The following BCAS4 variants were observed in gnomAD, a reference collection of about 807,000 sequenced individuals.
BCAS4 encodes breast carcinoma amplified sequence 4.
In BCAS4, 9 loss-of-function variants were observed where a neutral mutation model predicts 15.7. That is an observed-to-expected ratio of 0.57 (90% CI 0.34 to 1.00). The LOEUF (loss-of-function observed/expected upper bound fraction) is 1.00, where lower values mean the gene tolerates loss of function less well. Among genes scored for constraint, BCAS4 ranks in the 50% least tolerant of loss-of-function variants. The pLI, the probability that BCAS4 is intolerant of heterozygous loss-of-function variation, is 0.02. For missense variants in BCAS4, 225 were observed against 239.1 expected (o/e 0.94, Z 0.39); for synonymous variants, 101 against 99.5 (o/e 1.02, Z -0.09).
At chr20:50,801,904 C>T (rs76128571) in intron 1 of BCAS4, among the ~76,000 whole-genome samples, 4,097 of 151,944 alleles carry the variant, frequency 0.027, 190 homozygotes, top group African/African-American at 0.094. Flanking sequence ...GATGAGGGAC[C>T]GGGAGGTGCC....
At chr20:50,866,945 T>C (rs1323196439) in intron 4 of BCAS4, among the ~76,000 whole-genome samples, 1 of 152,150 alleles carries the variant, frequency 6.6e-6, no homozygotes, top group East Asian at 1.9e-4. Context: ...GGCCGGGCAC[T>C]CTGTAAATGC....
intron 2 of BCAS4, among the ~76,000 whole-genome samples, chr20:50,824,902 G>C (rs1182017085): frequency 6.6e-6 from 1 of 152,158 alleles, no homozygotes; most frequent in Non-Finnish European, 1.5e-5. Context: ...CATCTGGTTT[G>C]GTTTTACTTT....
At chr20:50,808,604 A>G (rs1308931471) in intron 1 of BCAS4, among the ~76,000 whole-genome samples, 3 of 152,150 alleles carry the variant, frequency 2.0e-5, no homozygotes, top group Non-Finnish European at 2.9e-5. Context: ...TTCCTTGATC[A>G]TTAGTGATGT....
intron 4 of BCAS4, among the ~76,000 whole-genome samples, chr20:50,853,181 G>A (rs1470106264): frequency 8.8e-6 from 1 of 113,594 alleles, no homozygotes; most frequent in African/African-American, 3.6e-5. Context: ...GTCTTGCTCT[G>A]TCACCCTGGC....
At chr20:50,818,053 GT>G in intron 1 of BCAS4, among the ~76,000 whole-genome samples, 157 bp from the exon 2 acceptor site, 1 of 151,680 alleles carries the variant, frequency 6.6e-6, no homozygotes, top group Admixed American at 6.6e-5. Context: ...ACTGCTGCCT[GT>G]TTATTGCTCT....
At chr20:50,803,600 T>C (rs896446695) in intron 1 of BCAS4, among the ~76,000 whole-genome samples, 1 of 151,938 alleles carries the variant, frequency 6.6e-6, no homozygotes, top group African/African-American at 2.4e-5. Flanking sequence ...CCCAGCACTT[T>C]GGGAGGCTGA....
chr20:50,798,141 C>T lies in BCAS4; in HGVS notation c.90+2968C>T, dbSNP rs144706194. Among the ~76,000 whole-genome samples the T allele has an allele frequency of 2.2e-3, 338 of 150,560 alleles. 2 individuals are homozygous for T. Among genetic ancestry groups the T allele is most frequent in the African/African-American group, 7.7e-3 (318 of 41,066 alleles). On this transcript the variant is annotated intron_variant, in intron 1 of 4. Transcript: ENST00000371608. ...TGGAACCCTGTCTCTACTAAACATA[C>T]AAAAATTAGCCAGATGTGGTGGCAT...
intron 1 of BCAS4, 80 bp from the exon 2 acceptor site, chr20:50,818,131 T>TAA: frequency 1.6e-6 from 2 of 1,268,576 alleles, no homozygotes; most frequent in Non-Finnish European, 1.1e-6. Context: ...TTAGTTTGCT[T>TAA]TAAAAAAAAA....
At chr20:50,854,966 A>G (rs1430134014) in intron 4 of BCAS4, among the ~76,000 whole-genome samples, 3 of 152,084 alleles carry the variant, frequency 2.0e-5, no homozygotes, top group Non-Finnish European at 4.4e-5. Context: ...GCCCCTCCAC[A>G]CTGCTCATGC....
At chr20:50,839,319 G>C (rs1451586308) in intron 3 of BCAS4, among the ~76,000 whole-genome samples, 1 of 152,134 alleles carries the variant, frequency 6.6e-6, no homozygotes, top group African/African-American at 2.4e-5. Flanking sequence ...AGACACCAGA[G>C]GTCACAAATG....
intron 1 of BCAS4, among the ~76,000 whole-genome samples, chr20:50,809,999 T>C (rs766893225): frequency 1.2e-4 from 19 of 152,166 alleles, no homozygotes; most frequent in Non-Finnish European, 2.4e-4. Flanking sequence ...GTAGGAGCTT[T>C]TTGGAGGAGT....
chr20:50,876,590 C>G lies in BCAS4; in HGVS notation c.504C>G (p.Thr168=). 6.2e-7 allele frequency: 1 copy of G among 1,614,154 alleles called. No individual in the cohort carries two copies. The highest frequency in any genetic ancestry group is 2.2e-5 in the East Asian group (1 of 44,882). The change falls in exon 5 of 5, where the codon ACC becomes ACG. Residue 168 remains threonine (T), a synonymous_variant. Transcript: ENST00000371608. ...DAGEAQHHPR[T]CPRPL ...GGGAAGCACAGCACCACCCCCGCACCTGCCCTCGGCCTTTGTGAGCTTTGT... is the reference window on the plus strand; with the variant it reads ...GGGAAGCACAGCACCACCCCCGCACGTGCCCTCGGCCTTTGTGAGCTTTGT...
At chr20:50,836,006 C>T (rs2088404701) in intron 3 of BCAS4, among the ~76,000 whole-genome samples, 1 of 151,890 alleles carries the variant, frequency 6.6e-6, no homozygotes, top group Non-Finnish European at 1.5e-5. Flanking sequence ...CAACCTCTGC[C>T]TCCCACGTTC....
intron 4 of BCAS4, among the ~76,000 whole-genome samples, chr20:50,870,382 C>T (rs969688765): frequency 6.6e-5 from 10 of 152,164 alleles, no homozygotes; most frequent in African/African-American, 2.4e-4. Context: ...GGCTTTAGAG[C>T]AGAGCTTGTT....
chr20:50,806,978 T>C (rs956691771), intron 1 of BCAS4, among the ~76,000 whole-genome samples: 2 of 149,818 alleles, frequency 1.3e-5, no homozygotes, highest in African/African-American at 4.9e-5. Context: ...TTCAAATAAT[T>C]CTTGTGTCTC....
intron 4 of BCAS4, among the ~76,000 whole-genome samples, chr20:50,852,367 T>C (rs1218146944): frequency 9.8e-6 from 1 of 102,226 alleles, no homozygotes; most frequent in African/African-American, 4.9e-5. Flanking sequence ...TTTGTGGCTT[T>C]GTGTGTGTGT....
intron 1 of BCAS4, among the ~76,000 whole-genome samples, chr20:50,801,812 G>A (rs574742969): frequency 6.6e-6 from 1 of 152,260 alleles, no homozygotes; most frequent in East Asian, 1.9e-4. Context: ...GACACCTGAG[G>A]GGTGATAGGG....
chr20:50,799,611 C>T (rs767244213), intron 1 of BCAS4, among the ~76,000 whole-genome samples: 2 of 152,224 alleles, frequency 1.3e-5, no homozygotes, highest in African/African-American at 2.4e-5. Flanking sequence ...CAGCCAACCC[C>T]GGCCTTAGGG....
intron 4 of BCAS4, among the ~76,000 whole-genome samples, chr20:50,865,590 C>T (rs1979315562): frequency 6.6e-6 from 1 of 152,196 alleles, no homozygotes; most frequent in Non-Finnish European, 1.5e-5. Flanking sequence ...CAAGATTGCA[C>T]CAGCTTGTCC....
Sources: gnomAD v4.1 joint callset for allele counts (sites outside exome capture counted in the v4.1 genomes callset) on GRCh38, gnomAD v4.1.1 for gene constraint, MANE v1.5 for transcripts, NCBI Gene and HGNC (gene_info 2026-07-23, HGNC 2026-07-21) for gene names.